Variants in USP4 observed in about 807,000 individuals in gnomAD.
USP4 encodes the protein ubiquitin specific peptidase 4, also known as ubiquitin carboxyl-terminal hydrolase 4.
Under a neutral mutation model 118.2 loss-of-function variants are expected in USP4, and 72 were observed. That is an observed-to-expected ratio of 0.61 (90% CI 0.50 to 0.74). The LOEUF is 0.74. Among genes scored for constraint, USP4 ranks in the 30% least tolerant of loss-of-function variants. The pLI is 0.00. For missense variants in USP4, 1,037 were observed against 1,185.7 expected, an observed-to-expected ratio of 0.87 and a Z score of 1.84; for synonymous variants, 415 against 440.4, an observed-to-expected ratio of 0.94 and a Z score of 0.72.
chr3:49,291,907 G>A (rs1290809088), intron 15 of USP4, among the ~76,000 whole-genome samples: 2 of 151,146 alleles, frequency 1.3e-5, no homozygotes, highest in Admixed American at 1.3e-4. Context: ...TCTACCTCCC[G>A]GGTTCACGCC....
At chr3:49,326,479 C>T (rs2047556693) in intron 3 of USP4, among the ~76,000 whole-genome samples, 3 of 152,104 alleles carry the variant, frequency 2.0e-5, no homozygotes, top group Admixed American at 2.0e-4. Context: ...TCATTACAAC[C>T]TGCACCTCCT....
At chr3:49,311,705 C>T (rs2107788385) in intron 6 of USP4, 51 bp from the exon 7 acceptor site, 1 of 1,604,242 alleles carries the variant, frequency 6.2e-7, no homozygotes, top group East Asian at 2.2e-5. Context: ...AAAGAGCAAG[C>T]CCTATTTAAT....
At chr3:49,325,256 T>G (rs2047540440) in intron 4 of USP4, among the ~76,000 whole-genome samples, 1 of 152,114 alleles carries the variant, frequency 6.6e-6, no homozygotes, top group African/African-American at 2.4e-5. Context: ...CGTGTGTCTC[T>G]CATTTATGGC....
chr3:49,335,008 C>G (rs1489141263), intron 2 of USP4, among the ~76,000 whole-genome samples: 2 of 152,204 alleles, frequency 1.3e-5, no homozygotes, highest in African/African-American at 4.8e-5. Flanking sequence ...AGTCATAACT[C>G]TGTCTACTGA....
At chr3:49,288,107 T>C (rs1395771540) in intron 15 of USP4, among the ~76,000 whole-genome samples, 5 of 152,230 alleles carry the variant, frequency 3.3e-5, no homozygotes, top group African/African-American at 7.2e-5. Context: ...CTGGCTCTCA[T>C]GGAGGTTCCT....
At chr3:49,281,104 T>C (rs1327213091) in intron 19 of USP4, among the ~76,000 whole-genome samples, 2 of 151,940 alleles carry the variant, frequency 1.3e-5, no homozygotes, top group Admixed American at 1.3e-4. Flanking sequence ...GTGGATCACC[T>C]GAGATCAGGA....
intron 20 of USP4, chr3:49,279,289 A>C (rs2046992268): frequency 6.4e-6 from 1 of 155,110 alleles, no homozygotes; most frequent in East Asian, 1.9e-4. Flanking sequence ...GGACATGCCA[A>C]GTCAGTCTCC....
intron 13 of USP4, among the ~76,000 whole-genome samples, chr3:49,296,350 T>TA (rs1394863984): frequency 5.4e-5 from 8 of 147,186 alleles, no homozygotes; most frequent in Admixed American, 2.1e-4. Flanking sequence ...AAATAAAAAA[T>TA]AAAAAATACC....
intron 6 of USP4, among the ~76,000 whole-genome samples, chr3:49,320,553 C>T (rs1443156950): frequency 6.6e-6 from 1 of 152,220 alleles, no homozygotes; most frequent in African/African-American, 2.4e-5. Flanking sequence ...CTCAAGCAAG[C>T]TTCCTCCCTC....
chr3:49,320,955 C>A (rs577063157), intron 6 of USP4, among the ~76,000 whole-genome samples: 1 of 152,126 alleles, frequency 6.6e-6, no homozygotes, highest in African/African-American at 2.4e-5. Flanking sequence ...CAGTACATCC[C>A]AGCCTTCCTG....
intron 2 of USP4, among the ~76,000 whole-genome samples, chr3:49,331,748 T>C (rs1233133485): frequency 6.6e-6 from 1 of 152,188 alleles, no homozygotes; most frequent in African/African-American, 2.4e-5. Context: ...TTGAGGGCCT[T>C]GGGATTTTTG....
chr3:49,292,453 G>A, intron 15 of USP4, 57 bp downstream of exon 15: 1 of 1,193,666 alleles, frequency 8.4e-7, no homozygotes, highest in Non-Finnish European at 1.2e-6. Flanking sequence ...TTTAGAAGAA[G>A]AGGGAAATCA....
chr3:49,295,181 C>T (rs543501209), intron 13 of USP4, among the ~76,000 whole-genome samples: 3 of 147,446 alleles, frequency 2.0e-5, no homozygotes, highest in East Asian at 2.0e-4. Context: ...CCCACCTACT[C>T]GGGAGGCTGA....
chr3:49,287,322 T>A (rs1431521200), intron 15 of USP4, among the ~76,000 whole-genome samples: 5 of 150,822 alleles, frequency 3.3e-5, no homozygotes, highest in African/African-American at 1.2e-4. Flanking sequence ...ACCCGGCTAC[T>A]TTTTTGTATT....
At chr3:49,280,220 C>T (rs1397936189) in intron 20 of USP4, among the ~76,000 whole-genome samples, 2 of 151,628 alleles carry the variant, frequency 1.3e-5, no homozygotes, top group African/African-American at 2.4e-5. Context: ...GCCGAGACTG[C>T]GCCACTGCTT....
In USP4 at chr3:49,277,577, C is replaced by T. The variant is rs1003671435; in HGVS notation, c.*716G>A. On this transcript the variant is annotated 3_prime_UTR_variant, in exon 22 of 22. Coordinates refer to ENST00000265560, the MANE Select transcript of USP4 (RefSeq NM_003363.4). ...CCGGGCAGTTTTATGTACTGACTTC[C>T]TTTAAGCGTTATCTAATAAAAAGTG... is the stretch of plus-strand genomic sequence containing the variant. The T allele has an allele frequency of 1.2e-5, 2 of 171,538 alleles. No individual in the cohort carries two copies. The highest frequency in any genetic ancestry group is 2.5e-5 in the Non-Finnish European group (2 of 79,012). 10.6% of individuals were successfully genotyped at this position (171,538 alleles called of 1,614,324 possible).
At position 49,277,501 on chromosome 3, in the gene USP4, A is replaced by C; in HGVS notation, c.*792T>G. On this transcript the variant is annotated 3_prime_UTR_variant, in exon 22 of 22. Coordinates refer to ENST00000265560, the MANE Select transcript of USP4 (RefSeq NM_003363.4). ...GAGCCCTTTCCCGGCTAACTCCCAC[A>C]AAGATTTCTGTTCTCAAGCCAACAT... 4.7e-6 allele frequency: 1 copy of C among 212,300 alleles called. No homozygotes were observed. Among genetic ancestry groups the C allele is most frequent in the Non-Finnish European group, 9.9e-6 (1 of 101,412 alleles). The allele number at this position is 212,300 out of a possible 1,614,324, so 13.2% of individuals were successfully genotyped here.
At chr3:49,326,765 G>A (rs754117142) in intron 3 of USP4, among the ~76,000 whole-genome samples, 60 of 146,556 alleles carry the variant, frequency 4.1e-4, no homozygotes, top group Non-Finnish European at 7.7e-4. Context: ...ACAGTGGGGT[G>A]ATCTCGGCTT....
intron 3 of USP4, 138 bp from the exon 4 acceptor site, chr3:49,325,983 A>G (rs1320878670): frequency 1.2e-5 from 13 of 1,118,302 alleles, no homozygotes; most frequent in African/African-American, 1.6e-5. Flanking sequence ...TCAAAAGAAC[A>G]GATTTTTAAA....
Sources: allele counts gnomAD v4.1 joint callset (sites outside exome capture counted in the v4.1 genomes callset), GRCh38; gene constraint gnomAD v4.1.1; transcripts MANE v1.5; gene names NCBI Gene and HGNC (gene_info 2026-07-23, HGNC 2026-07-21).